Variants in ACSS3 observed in about 807,000 individuals in gnomAD.
The protein encoded by ACSS3 is acyl-CoA synthetase short chain family member 3.
ACSS3 carries 64 observed loss-of-function variants against 84.2 expected under a neutral mutation model. The observed-to-expected ratio is 0.76, with a 90% confidence interval of 0.62 to 0.94. The LOEUF (loss-of-function observed/expected upper bound fraction) is 0.94, where lower values mean the gene tolerates loss of function less well. Among genes scored for constraint, ACSS3 ranks in the 40% least tolerant of loss-of-function variants. The pLI is 0.00. For missense variants in ACSS3, 815 were observed against 867.6 expected, an observed-to-expected ratio of 0.94 and a Z score of 0.76; for synonymous variants, 317 against 310.1, an observed-to-expected ratio of 1.02 and a Z score of -0.23.
At chr12:81,167,962 G>A (rs916267549) in intron 7 of ACSS3, among the ~76,000 whole-genome samples, 1 of 152,134 alleles carries the variant, frequency 6.6e-6, no homozygotes, top group Admixed American at 6.6e-5. Flanking sequence ...ATAGTGAAGA[G>A]GGATTGTCAA....
At chr12:81,236,060 G>A (rs1296366380) in intron 13 of ACSS3, among the ~76,000 whole-genome samples, 1 of 151,380 alleles carries the variant, frequency 6.6e-6, no homozygotes, top group Non-Finnish European at 1.5e-5. Flanking sequence ...TGATCTTAGG[G>A]TAAAGGCAAG....
chr12:81,190,187 G>A (rs576562541), intron 8 of ACSS3, among the ~76,000 whole-genome samples: 3 of 150,446 alleles, frequency 2.0e-5, no homozygotes, highest in South Asian at 2.1e-4. Context: ...CAGCCTAGCA[G>A]TTTCAAACAC....
intron 7 of ACSS3, among the ~76,000 whole-genome samples, chr12:81,156,885 G>A (rs987668461): frequency 2.6e-5 from 4 of 152,102 alleles, no homozygotes; most frequent in African/African-American, 9.7e-5. Flanking sequence ...GGAGGCAGGT[G>A]GCTGGTATTT....
chr12:81,148,106 G>A (rs1747493231), intron 5 of ACSS3, among the ~76,000 whole-genome samples: 1 of 151,440 alleles, frequency 6.6e-6, no homozygotes, highest in South Asian at 2.1e-4. Context: ...TGTACTCTAA[G>A]CTTTTCTACT....
intron 2 of ACSS3, among the ~76,000 whole-genome samples, chr12:81,133,486 T>C (rs1418001395): frequency 2.0e-5 from 3 of 152,150 alleles, no homozygotes; most frequent in Admixed American, 2.0e-4. Context: ...TCGCATCACA[T>C]ATGATCTCCT....
chr12:81,124,586 CTTCAATGCTGCAT>C (rs2121549383), intron 2 of ACSS3: 2 of 152,298 alleles, frequency 1.3e-5, no homozygotes, highest in South Asian at 2.1e-4. Flanking sequence ...TCCACTGGGA[CTTCAATGCTGCAT>C]TTTCTTTTTT....
At chr12:81,254,815 A>C in intron 15 of ACSS3, 42 bp from the exon 16 acceptor site, 1 of 1,447,516 alleles carries the variant, frequency 6.9e-7, no homozygotes, top group Non-Finnish European at 9.5e-7. Context: ...AGTAGAAGAA[A>C]TTCAAGGAAG....
rs368450968 is a variant in ACSS3, at chr12:81,160,817, T to C, written c.1098+8721T>C. Among the ~76,000 whole-genome samples, 723 of 152,312 alleles carry C rather than the reference T, an allele frequency of 4.7e-3. 1 individual carries two copies. The highest frequency in any genetic ancestry group is 8.5e-3 in the Non-Finnish European group (576 of 68,008). On this transcript the variant is annotated intron_variant, in intron 7 of 15. Transcript: ENST00000548058. ...TAGTGTTTGAGAGGAAGCATACTAG[T>C]TAAGGCTGCCATGGTATGATTTCTG...
At chr12:81,160,255 T>G (rs1209220414) in intron 7 of ACSS3, among the ~76,000 whole-genome samples, 4 of 152,240 alleles carry the variant, frequency 2.6e-5, no homozygotes, top group African/African-American at 9.6e-5. Flanking sequence ...CATTTTACAT[T>G]TGTTTGTATT....
intron 8 of ACSS3, among the ~76,000 whole-genome samples, chr12:81,176,650 G>A (rs1170717780): frequency 6.6e-6 from 1 of 151,746 alleles, no homozygotes; most frequent in Non-Finnish European, 1.5e-5. Flanking sequence ...GAACCAATAA[G>A]GAGTTCTGAA....
chr12:81,142,345 C>T (rs975604402), intron 4 of ACSS3, among the ~76,000 whole-genome samples: 2 of 152,126 alleles, frequency 1.3e-5, no homozygotes, highest in African/African-American at 4.8e-5. Context: ...GCTGTAATTC[C>T]CCATCAGAGT....
intron 9 of ACSS3, among the ~76,000 whole-genome samples, chr12:81,210,995 G>A (rs986270799): frequency 5.9e-5 from 9 of 151,726 alleles, no homozygotes; most frequent in African/African-American, 1.5e-4. Context: ...TTGTTGTTTC[G>A]AGACAGGGTT....
At chr12:81,206,951 T>A (rs982495882) in intron 9 of ACSS3, among the ~76,000 whole-genome samples, 3 of 152,138 alleles carry the variant, frequency 2.0e-5, no homozygotes, top group African/African-American at 4.8e-5. Context: ...CATCATTTTT[T>A]AAAAAATATA....
rs1317427642 is a variant in ACSS3 at position 81,259,745 on chromosome 12, C to T, written c.*4823C>T. ...TCTACTCCTCTGTGGTGTACCTCCA[C>T]GCAGCCTGCTTACTCCTGTCCTAGA... On this transcript the variant is annotated 3_prime_UTR_variant, in exon 16 of 16. Transcript: ENST00000548058. The T allele has an allele frequency of 3.5e-5, 42 of 1,202,254 alleles. No individual in the cohort carries two copies. The highest frequency in any genetic ancestry group is 1.2e-4 in the Admixed American group (6 of 48,024). 74.5% of individuals were successfully genotyped at this position (1,202,254 alleles called of 1,614,324 possible).
chr12:81,205,959 G>A (rs534097954), intron 9 of ACSS3, among the ~76,000 whole-genome samples: 9 of 151,996 alleles, frequency 5.9e-5, no homozygotes, highest in African/African-American at 9.7e-5. Flanking sequence ...GCATACCTAG[G>A]CATAAGAGGC....
rs1292248062 is a variant in ACSS3 at position 81,255,936 on chromosome 12, G to A, written c.*1014G>A. 6.6e-6 allele frequency: 1 copy of A among 152,202 alleles called. No individual in the cohort carries two copies. Among genetic ancestry groups the A allele is most frequent in the Non-Finnish European group, 1.5e-5 (1 of 68,056 alleles). The allele number at this position is 152,202 out of a possible 1,614,324, so 9.4% of individuals were successfully genotyped here. A position where few individuals can be genotyped will look rare whatever the true frequency, so the allele number is the denominator to read the frequency against. On this transcript the variant is annotated 3_prime_UTR_variant, in exon 16 of 16. Transcript: ENST00000548058. Reference sequence around the variant, plus strand: ...CTTAGTTGACTATGTTTATCCAAATGATTCCAGATTCCTGTGGAAACAAGG... The same window carrying A: ...CTTAGTTGACTATGTTTATCCAAATAATTCCAGATTCCTGTGGAAACAAGG...
At position 81,259,525 on chromosome 12, in the gene ACSS3, C is replaced by CA. The variant is rs1320121359; in HGVS notation, c.*4608dup. Reference sequence around the variant, plus strand: ...ATCAAATGTAATATCTGACTCCCCCCAAAAATCACATTTTTCAGCTTTTAA... The same window carrying CA: ...ATCAAATGTAATATCTGACTCCCCCCAAAAAATCACATTTTTCAGCTTTTAA... On this transcript the variant is annotated 3_prime_UTR_variant, in exon 16 of 16. Transcript: ENST00000548058. 9.1e-7 allele frequency: 1 copy of CA among 1,097,196 alleles called. No individual in the cohort carries two copies. The highest frequency in any genetic ancestry group is 1.4e-5 in the South Asian group (1 of 70,456). The allele number at this position is 1,097,196 out of a possible 1,614,324, so 68.0% of individuals were successfully genotyped here. A position where few individuals can be genotyped will look rare whatever the true frequency, so the allele number is the denominator to read the frequency against.
intron 9 of ACSS3, among the ~76,000 whole-genome samples, chr12:81,215,273 T>C (rs777759677): frequency 2.0e-5 from 3 of 152,092 alleles, no homozygotes; most frequent in African/African-American, 7.2e-5. Flanking sequence ...GAAAATACTT[T>C]AGAACTCTTT....
chr12:81,175,504 A>C (rs910552246), intron 8 of ACSS3, among the ~76,000 whole-genome samples: 1 of 152,204 alleles, frequency 6.6e-6, no homozygotes, highest in East Asian at 1.9e-4. Flanking sequence ...ACACTCAATC[A>C]AATGGACCTG....
Sources: allele counts gnomAD v4.1 joint callset (sites outside exome capture counted in the v4.1 genomes callset), GRCh38; gene constraint gnomAD v4.1.1; transcripts MANE v1.5; gene names NCBI Gene and HGNC (gene_info 2026-07-23, HGNC 2026-07-21).